The following NRROS variants were observed in gnomAD, a reference collection of about 807,000 sequenced individuals.
NRROS encodes transforming growth factor beta activator LRRC33.
In NRROS, 6 loss-of-function variants were observed where a neutral mutation model predicts 12.0. That is an observed-to-expected ratio of 0.50 (90% confidence interval 0.27 to 0.98). The LOEUF (loss-of-function observed/expected upper bound fraction) is 0.98. Ranked by LOEUF, NRROS falls within the 50% of genes least tolerant of loss-of-function variation. NRROS has a pLI of 0.11. For synonymous variants in NRROS, 462 were observed against 410.2 expected (o/e 1.13, Z -1.53); for missense variants, 857 against 888.2 (o/e 0.96, Z 0.45).
Position 196,661,865 on chromosome 3 carries a change from C to T in NRROS, c.*143C>T, listed in dbSNP as rs1737696185. On this transcript the variant is annotated 3_prime_UTR_variant, in exon 3 of 3. Transcript: ENST00000328557. ...TAATATGTTTCCATTCCTCATCGCCCACCCCACCCCCGCCCCCACCACCGC... is the reference window on the plus strand; with the variant it reads ...TAATATGTTTCCATTCCTCATCGCCTACCCCACCCCCGCCCCCACCACCGC... 3 of 603,044 alleles carry T rather than the reference C, an allele frequency of 5.0e-6. No individual in the cohort carries two copies. The highest frequency in any genetic ancestry group is 7.9e-6 in the Non-Finnish European group (3 of 377,744). The allele number at this position is 603,044 out of a possible 1,614,324, so 37.4% of individuals were successfully genotyped here. A position where few individuals can be genotyped will look rare whatever the true frequency, so the allele number is the denominator to read the frequency against.
chr3:196,651,981 T>C (rs772540510), intron 1 of NRROS, among the ~76,000 whole-genome samples: 7 of 152,142 alleles, frequency 4.6e-5, no homozygotes, highest in Non-Finnish European at 8.8e-5. Flanking sequence ...GACAGCAGTT[T>C]GAGGCCAGGT....
intron 1 of NRROS, among the ~76,000 whole-genome samples, chr3:196,646,853 A>G (rs976130493): frequency 4.6e-5 from 7 of 152,176 alleles, no homozygotes; most frequent in African/African-American, 1.7e-4. Context: ...AGTGCTGGGA[A>G]CCATGGCACT....
intron 1 of NRROS, among the ~76,000 whole-genome samples, chr3:196,642,395 A>G (rs1184969669): frequency 1.3e-5 from 2 of 152,022 alleles, no homozygotes; most frequent in Non-Finnish European, 2.9e-5. Context: ...CCAGGAATCC[A>G]TCTGTCTCCT....
At position 196,654,399 on chromosome 3, in the gene NRROS, C is replaced by T; in HGVS notation, c.-13-128C>T. The T allele has an allele frequency of 1.5e-6, 1 of 677,160 alleles. No homozygotes were observed. The highest frequency in any genetic ancestry group is 2.7e-6 in the Non-Finnish European group (1 of 372,064). 41.9% of individuals were successfully genotyped at this position (677,160 alleles called of 1,614,324 possible). Reference sequence around the variant, plus strand: ...AGGTATCTGAGTATCCTGTGGGCTGCACCTCTATGGAGCTCCACAGAGCTC... The same window carrying T: ...AGGTATCTGAGTATCCTGTGGGCTGTACCTCTATGGAGCTCCACAGAGCTC... On this transcript the variant is annotated intron_variant, in intron 1 of 2. Transcript: ENST00000328557. The surrounding 1 kb of genome is among the most constrained non-coding windows in gnomAD (Gnocchi z 4.4).
In NRROS at chr3:196,654,051, C is replaced by A. The variant is rs770206136; in HGVS notation, c.-13-476C>A. Among the ~76,000 whole-genome samples the A allele has an allele frequency of 9.2e-5, 14 of 152,322 alleles. No individual in the cohort carries two copies. Among genetic ancestry groups the A allele is most frequent in the Non-Finnish European group, 2.1e-4 (14 of 68,030 alleles). ...CCCCACATCAGCAGCTGAGGAGTAA[C>A]TCTGGGACAGAGGCCCCCATCCGTG... On this transcript the variant is annotated intron_variant, in intron 1 of 2. Transcript: ENST00000328557. The surrounding 1 kb of genome is among the most constrained non-coding windows in gnomAD (Gnocchi z 4.4).
chr3:196,656,670 A>C (rs1188917119), intron 2 of NRROS, among the ~76,000 whole-genome samples: 1 of 152,176 alleles, frequency 6.6e-6, no homozygotes, highest in East Asian at 1.9e-4. Context: ...GATTAACTAC[A>C]CAGTAGTTAT....
chr3:196,648,035 T>C (rs556451308), intron 1 of NRROS, among the ~76,000 whole-genome samples: 2 of 152,332 alleles, frequency 1.3e-5, no homozygotes, highest in South Asian at 4.1e-4. Context: ...AAATGTTTCC[T>C]GAGCACCTTT....
chr3:196,646,754 C>T (rs1402270266), intron 1 of NRROS, among the ~76,000 whole-genome samples: 1 of 152,210 alleles, frequency 6.6e-6, no homozygotes, highest in Non-Finnish European at 1.5e-5. Flanking sequence ...CATCCATTCC[C>T]AGAGAGTCTC....
rs1737669009 is a variant in NRROS at position 196,661,210 on chromosome 3, C to T, written c.1567C>T (p.Leu523Phe). Reference protein sequence around the residue: ...LQVLSLRNMGLHSSFMALDFS... With the variant: ...LQVLSLRNMGFHSSFMALDFS... ...GGTCCTGTCTCTCAGGAACATGGGCCTCCACTCCAGCTTTATGGCGTTGGA... is the reference window on the plus strand; with the variant it reads ...GGTCCTGTCTCTCAGGAACATGGGCTTCCACTCCAGCTTTATGGCGTTGGA... Residue 523 changes from leucine to phenylalanine, a missense_variant, in exon 3 of 3, where the codon CTC becomes TTC. Coordinates refer to ENST00000328557, the MANE Select transcript of NRROS (RefSeq NM_198565.3). 6.2e-7 allele frequency: 1 copy of T among 1,613,790 alleles called. No homozygotes were observed. The highest frequency in any genetic ancestry group is 8.5e-7 in the Non-Finnish European group (1 of 1,179,940).
At position 196,653,415 on chromosome 3, in the gene NRROS, TGAGTG is replaced by T. The variant is rs200915304; in HGVS notation, c.-13-1110_-13-1106del. 1.6e-3 allele frequency among the ~76,000 whole-genome samples: 245 copies of T among 152,350 alleles called. 1 individual carries two copies. In the East Asian group the frequency reaches 0.032, roughly 20 times the overall value. On this transcript the variant is annotated intron_variant, in intron 1 of 2. Transcript: ENST00000328557. ...TTGAAGAAAGGAAAGAGGAGGCCCCTGAGTGGCTGGAGCGAGCAGGTGGGGTGAGC... is the reference window on the plus strand; with the variant it reads ...TTGAAGAAAGGAAAGAGGAGGCCCCTGCTGGAGCGAGCAGGTGGGGTGAGC...
chr3:196,661,645 A>T lies in NRROS; in HGVS notation c.2002A>T (p.Thr668Ser). The T allele has an allele frequency of 6.2e-7, 1 of 1,610,202 alleles. No individual in the cohort carries two copies. The highest frequency in any genetic ancestry group is 8.5e-7 in the Non-Finnish European group (1 of 1,179,972). Reference sequence around the variant, plus strand: ...CTGCCTCACCCTGCTGGTGGCCTGCACTGTCATCGTCCTCACTTTTAAGAA... The same window carrying T: ...CTGCCTCACCCTGCTGGTGGCCTGCTCTGTCATCGTCCTCACTTTTAAGAA... ...PSCLTLLVAC[T>S]VIVLTFKKPL... Residue 668 changes from threonine to serine, a missense_variant, in exon 3 of 3, where the codon ACT (threonine) becomes TCT (serine). Physicochemically the swap from Thr to Ser is moderately conservative, Grantham distance 58 (BLOSUM62 1). Transcript: ENST00000328557.
At position 196,655,404 on chromosome 3, in the gene NRROS, G is replaced by A. The variant is rs555406240; in HGVS notation, c.108+757G>A. Among the ~76,000 whole-genome samples the A allele has an allele frequency of 2.6e-4, 40 of 151,496 alleles. 1 individual carries two copies. The East Asian group carries it at 7.8e-3, about 30-fold the overall frequency. On this transcript the variant is annotated intron_variant, in intron 2 of 2. Coordinates refer to ENST00000328557, the MANE Select transcript of NRROS (RefSeq NM_198565.3). Reference sequence around the variant, plus strand: ...ACAAAAATTAGCTGGGCGTGGTGGTGCATGCCTGTAATTCCAGCTACTTGG... The same window carrying A: ...ACAAAAATTAGCTGGGCGTGGTGGTACATGCCTGTAATTCCAGCTACTTGG...
chr3:196,657,832 C>T (rs568574012), intron 2 of NRROS, among the ~76,000 whole-genome samples: 73 of 152,074 alleles, frequency 4.8e-4, no homozygotes, highest in South Asian at 2.3e-3. Context: ...TTCTAACGTT[C>T]GTCTGGAAAT....
chr3:196,660,578 A>G lies in NRROS; in HGVS notation c.935A>G (p.Asn312Ser). ...CTCCTCGTGGACGGCAACGTGACCA[A>G]CATCACCACCGTCAGCCTCTGGGAA... ...QFLLVDGNVT[N>S]ITTVSLWEEF... The change falls in exon 3 of 3, where the codon AAC (asparagine) becomes AGC (serine). Residue 312 changes from asparagine (N) to serine (S), a missense_variant. By Grantham distance (46) the Asn-to-Ser change is conservative. Transcript: ENST00000328557. This position sits in a 1 kb window ranked among gnomAD's most constrained non-coding sequence, Gnocchi z 7.7. 1 of 1,614,112 alleles carries G rather than the reference A, an allele frequency of 6.2e-7. No homozygotes were observed. The highest frequency in any genetic ancestry group is 8.5e-7 in the Non-Finnish European group (1 of 1,180,014).
At chr3:196,640,740 A>G (rs1737190288) in intron 1 of NRROS, among the ~76,000 whole-genome samples, 1 of 152,124 alleles carries the variant, frequency 6.6e-6, no homozygotes, top group Admixed American at 6.5e-5. Flanking sequence ...GAGAAGGTGG[A>G]CACGTGCCAG....
chr3:196,645,422 C>G (rs1737288986), intron 1 of NRROS, among the ~76,000 whole-genome samples: 1 of 152,118 alleles, frequency 6.6e-6, no homozygotes, highest in African/African-American at 2.4e-5. Flanking sequence ...GCTGTACAGC[C>G]TAAACCTATG....
chr3:196,654,640 G>T lies in NRROS; in HGVS notation c.101G>T (p.Cys34Phe). Residue 34 changes from cysteine (C) to phenylalanine (F), a missense_variant, in exon 2 of 3, where the codon TGC (cysteine) becomes TTC (phenylalanine). Cys to Phe is a radical substitution (Grantham distance 205, BLOSUM62 -2). Transcript: ENST00000328557. The surrounding 1 kb of genome is among the most constrained non-coding windows in gnomAD (Gnocchi z 4.4). ...GCCACAGCAGCCTCCCAAGGAGTCTGCAAGTTGGTGAGTTTCCCTTGAACC... is the reference window on the plus strand; with the variant it reads ...GCCACAGCAGCCTCCCAAGGAGTCTTCAAGTTGGTGAGTTTCCCTTGAACC... ...GTATAASQGV[C>F]KLVGGAADCR... 1 of 1,606,332 alleles carries T rather than the reference G, an allele frequency of 6.2e-7. No individual in the cohort carries two copies. The highest frequency in any genetic ancestry group is 8.5e-7 in the Non-Finnish European group (1 of 1,173,338).
At chr3:196,650,572 C>T (rs1737405008) in intron 1 of NRROS, among the ~76,000 whole-genome samples, 1 of 152,248 alleles carries the variant, frequency 6.6e-6, no homozygotes, top group South Asian at 2.1e-4. Flanking sequence ...TAAGCCACCG[C>T]ACCTGTTCGC....
At chr3:196,656,763 C>T (rs1010615971) in intron 2 of NRROS, among the ~76,000 whole-genome samples, 1 of 152,108 alleles carries the variant, frequency 6.6e-6, no homozygotes, top group African/African-American at 2.4e-5. Context: ...TTGACACTTT[C>T]TGGCCCAGTG....
Sources: gnomAD v4.1 joint callset for allele counts (sites outside exome capture counted in the v4.1 genomes callset) on GRCh38, gnomAD v4.1.1 for gene constraint, Gnocchi (gnomAD v3.1) non-coding constraint, MANE v1.5 for transcripts, NCBI Gene and HGNC (gene_info 2026-07-23, HGNC 2026-07-21) for gene names.